The following PAFAH1B2 variants were observed in gnomAD, a reference collection of about 807,000 sequenced individuals.
The protein encoded by PAFAH1B2 is platelet activating factor acetylhydrolase 1b catalytic subunit 2, also known as platelet-activating factor acetylhydrolase IB subunit alpha2.
A neutral mutation model predicts 28.0 loss-of-function variants in PAFAH1B2; 8 were observed. The ratio of observed to expected loss-of-function variants is 0.29; its 90% CI spans 0.17 to 0.52. The LOEUF (loss-of-function observed/expected upper bound fraction) is 0.52, where lower values mean the gene tolerates loss of function less well. PAFAH1B2 is among the 20% of genes least tolerant of loss of function. PAFAH1B2 has a pLI of 0.97. For missense variants in PAFAH1B2, 190 were observed against 282.6 expected (o/e 0.67, Z 2.35); for synonymous variants, 104 against 103.2 (o/e 1.01, Z -0.05).
Position 117,167,749 on chromosome 11 carries a change from A to T in PAFAH1B2, c.*50A>T. On this transcript the variant is annotated 3_prime_UTR_variant, in exon 6 of 6. Coordinates refer to ENST00000527958, the MANE Select transcript of PAFAH1B2 (RefSeq NM_002572.4). Reference sequence around the variant, plus strand: ...ATCTCAGCTTCCTCAGATCAGTTCTATCACTGGCACTACAGAATCCTTCTC... The same window carrying T: ...ATCTCAGCTTCCTCAGATCAGTTCTTTCACTGGCACTACAGAATCCTTCTC... 6.9e-7 allele frequency: 1 copy of T among 1,444,996 alleles called. No individual in the cohort carries two copies. The highest frequency in any genetic ancestry group is 9.1e-7 in the Non-Finnish European group (1 of 1,094,122). The allele number at this position is 1,444,996 out of a possible 1,614,324, so 89.5% of individuals were successfully genotyped here.
At chr11:117,164,307 C>T (rs929572432) in intron 5 of PAFAH1B2, among the ~76,000 whole-genome samples, 5 of 151,428 alleles carry the variant, frequency 3.3e-5, no homozygotes, top group African/African-American at 4.9e-5. Flanking sequence ...CTCGGGAGGC[C>T]GAGGCAGGAG....
chr11:117,168,949 C>G lies in PAFAH1B2; in HGVS notation c.*1250C>G. On this transcript the variant is annotated 3_prime_UTR_variant, in exon 6 of 6. Transcript: ENST00000527958. Reference sequence around the variant, plus strand: ...GGGATTACAGGTGCATGCCACCATGCCCGGCTAATTTTTATATTTTTATTA... The same window carrying G: ...GGGATTACAGGTGCATGCCACCATGGCCGGCTAATTTTTATATTTTTATTA... 1 of 292,548 alleles carries G rather than the reference C, an allele frequency of 3.4e-6. No individual in the cohort carries two copies. The highest frequency in any genetic ancestry group is 5.4e-6 in the Non-Finnish European group (1 of 186,342). The allele number at this position is 292,548 out of a possible 1,614,324, so 18.1% of individuals were successfully genotyped here. A position where few individuals can be genotyped will look rare whatever the true frequency, so the allele number is the denominator to read the frequency against.
At chr11:117,165,581 CA>C (rs1956488290) in intron 5 of PAFAH1B2, among the ~76,000 whole-genome samples, 1 of 152,154 alleles carries the variant, frequency 6.6e-6, no homozygotes, top group Non-Finnish European at 1.5e-5. Context: ...TGTATGGAGA[CA>C]GCAACACAGA....
At position 117,167,810 on chromosome 11, in the gene PAFAH1B2, G is replaced by A. The variant is rs1333096886; in HGVS notation, c.*111G>A. ...CACTTTGCATTGTAGAATGTTCCTG[G>A]ATGTTCATATCTAGTGTTTGAAGGG... is the stretch of plus-strand genomic sequence containing the variant. On this transcript the variant is annotated 3_prime_UTR_variant, in exon 6 of 6. Coordinates refer to ENST00000527958, the MANE Select transcript of PAFAH1B2 (RefSeq NM_002572.4). 23 of 1,311,246 alleles carry A rather than the reference G, an allele frequency of 1.8e-5. No homozygotes were observed. The South Asian group carries it at 6.0e-4, about 34-fold the overall frequency. The allele number at this position is 1,311,246 out of a possible 1,614,324, so 81.2% of individuals were successfully genotyped here. A position where few individuals can be genotyped will look rare whatever the true frequency, so the allele number is the denominator to read the frequency against.
chr11:117,168,399 T>G lies in PAFAH1B2; in HGVS notation c.*700T>G. 1.1e-5 allele frequency: 11 copies of G among 1,046,210 alleles called. No homozygotes were observed. The highest frequency in any genetic ancestry group is 1.3e-5 in the Non-Finnish European group (11 of 868,356). 64.8% of individuals were successfully genotyped at this position (1,046,210 alleles called of 1,614,324 possible). A position where few individuals can be genotyped will look rare whatever the true frequency, so the allele number is the denominator to read the frequency against. Reference sequence around the variant, plus strand: ...ACCCGTGCATGCAGCCTTTCCTCCTTATTCCCCTTCATGCCCCCCTTTCCC... The same window carrying G: ...ACCCGTGCATGCAGCCTTTCCTCCTGATTCCCCTTCATGCCCCCCTTTCCC... On this transcript the variant is annotated 3_prime_UTR_variant, in exon 6 of 6. Coordinates refer to ENST00000527958, the MANE Select transcript of PAFAH1B2 (RefSeq NM_002572.4).
rs1956604369 is a variant in PAFAH1B2 at position 117,169,657 on chromosome 11, C to T, written c.*1958C>T. The T allele has an allele frequency of 1.2e-5, 13 of 1,052,382 alleles. No homozygotes were observed. The highest frequency in any genetic ancestry group is 1.5e-5 in the Non-Finnish European group (13 of 870,374). The allele number at this position is 1,052,382 out of a possible 1,614,324, so 65.2% of individuals were successfully genotyped here. On this transcript the variant is annotated 3_prime_UTR_variant, in exon 6 of 6. Transcript: ENST00000527958. ...ATGTCTTCATTAACAACAGAAAATC[C>T]ACATGGTGTTTACTAAACTTGTTTA...
rs1279569959 is a variant in PAFAH1B2 at position 117,149,372 on chromosome 11, C to T, written c.-7-3069C>T. On this transcript the variant is annotated intron_variant, in intron 1 of 5. Transcript: ENST00000527958. ...TGCTGAGATTATAAGTGTGAGCCGC[C>T]ACACCTGGCTAAAATCTAACTTTTT... Among the ~76,000 whole-genome samples the T allele has an allele frequency of 2.0e-5, 3 of 150,308 alleles. No homozygotes were observed. The East Asian group carries it at 5.9e-4, about 29-fold the overall frequency.
chr11:117,144,319 A>C lies in PAFAH1B2; in HGVS notation c.-107A>C, dbSNP rs1489588021. ...CTGCTGCTGGTGCTGGGGCCGGAGG[A>C]GGGACGCGCCGGAGCGGGACCGACG... is the stretch of plus-strand genomic sequence containing the variant. On this transcript the variant is annotated 5_prime_UTR_variant, in exon 1 of 6. Coordinates refer to ENST00000527958, the MANE Select transcript of PAFAH1B2 (RefSeq NM_002572.4). 5.0e-6 allele frequency: 2 copies of C among 401,576 alleles called. No homozygotes were observed. The highest frequency in any genetic ancestry group is 4.3e-5 in the African/African-American group (2 of 46,800). 24.9% of individuals were successfully genotyped at this position (401,576 alleles called of 1,614,324 possible).
intron 5 of PAFAH1B2, among the ~76,000 whole-genome samples, chr11:117,165,746 T>C (rs924883218): frequency 2.0e-5 from 3 of 151,984 alleles, no homozygotes; most frequent in Non-Finnish European, 4.4e-5. Flanking sequence ...CTTGTACATG[T>C]ATGTGTTTGT....
At chr11:117,147,999 A>G (rs770350416) in intron 1 of PAFAH1B2, among the ~76,000 whole-genome samples, 2 of 151,858 alleles carry the variant, frequency 1.3e-5, no homozygotes, top group African/African-American at 2.4e-5. Flanking sequence ...AGTAGAAAGT[A>G]TAAGTGAAAC....
chr11:117,162,327 G>C (rs116771952), intron 4 of PAFAH1B2, among the ~76,000 whole-genome samples: 1 of 152,068 alleles, frequency 6.6e-6, no homozygotes, highest in Non-Finnish European at 1.5e-5. Context: ...TGTAGACAGG[G>C]TCTTGGTCTT....
At chr11:117,153,912 A>T (rs1425270305) in intron 2 of PAFAH1B2, among the ~76,000 whole-genome samples, 6 of 151,540 alleles carry the variant, frequency 4.0e-5, no homozygotes, top group African/African-American at 1.5e-4. Context: ...CAGTTGTCCC[A>T]ATATTTTTTT....
intron 4 of PAFAH1B2, among the ~76,000 whole-genome samples, chr11:117,162,489 G>A (rs1407184253): frequency 6.7e-6 from 1 of 149,296 alleles, no homozygotes; most frequent in Non-Finnish European, 1.5e-5. Flanking sequence ...TGATGGATCA[G>A]CGTGGTGGGT....
At chr11:117,154,537 C>G (rs1343574840) in intron 2 of PAFAH1B2, among the ~76,000 whole-genome samples, 1 of 152,184 alleles carries the variant, frequency 6.6e-6, no homozygotes, top group African/African-American at 2.4e-5. Context: ...GCTTCCCGGG[C>G]TTAAGTGATC....
chr11:117,175,741 T>A, downstream of PAFAH1B2: 1 of 1,083,982 alleles, frequency 9.2e-7, no homozygotes, highest in Non-Finnish European at 1.3e-6. Flanking sequence ...GATGTGCGTT[T>A]AAAACAGGCG....
intron 1 of PAFAH1B2, among the ~76,000 whole-genome samples, chr11:117,149,467 C>T (rs187807345): frequency 0.052 from 5,574 of 107,496 alleles, 416 homozygotes; most frequent in African/African-American, 0.19. Flanking sequence ...CGCTCTGTCC[C>T]CCAGGCTGGA....
intron 3 of PAFAH1B2, among the ~76,000 whole-genome samples, chr11:117,160,248 T>A (rs1956344123): frequency 6.6e-6 from 1 of 152,216 alleles, no homozygotes; most frequent in Non-Finnish European, 1.5e-5. Context: ...CCTCTTCTAC[T>A]CTGGTTTCCA....
At chr11:117,164,643 A>T (rs1483024704) in intron 5 of PAFAH1B2, among the ~76,000 whole-genome samples, 1 of 152,224 alleles carries the variant, frequency 6.6e-6, no homozygotes, top group Non-Finnish European at 1.5e-5. Flanking sequence ...TGGATACTTT[A>T]TAGTTGTACC....
chr11:117,155,837 C>G (rs1956243891), intron 2 of PAFAH1B2, among the ~76,000 whole-genome samples: 2 of 152,010 alleles, frequency 1.3e-5, no homozygotes, highest in African/African-American at 4.8e-5. Flanking sequence ...GCCTCGGCAA[C>G]ATAGACCCTC....
Sources: allele counts gnomAD v4.1 joint callset (sites outside exome capture counted in the v4.1 genomes callset), GRCh38; gene constraint gnomAD v4.1.1; transcripts MANE v1.5; gene names NCBI Gene and HGNC (gene_info 2026-07-23, HGNC 2026-07-21).